CAMK2D: variants seen among roughly 807,000 people sequenced by gnomAD.
The protein encoded by CAMK2D is calcium/calmodulin dependent protein kinase II delta, also known as calcium/calmodulin-dependent protein kinase type II subunit delta.
In CAMK2D, 37 loss-of-function variants were observed where a neutral mutation model predicts 84.0. The observed-to-expected ratio is 0.44, with a 90% confidence interval of 0.34 to 0.58. The LOEUF (loss-of-function observed/expected upper bound fraction) is 0.58. Ranked by LOEUF, CAMK2D falls within the 20% of genes least tolerant of loss-of-function variation. The pLI is 0.02. For synonymous variants in CAMK2D, 202 were observed against 212.5 expected, an observed-to-expected ratio of 0.95 and a Z score of 0.43; for missense variants, 448 against 652.5, an observed-to-expected ratio of 0.69 and a Z score of 3.41.
intron 2 of CAMK2D, among the ~76,000 whole-genome samples, chr4:113,728,371 G>A (rs1002654549): frequency 1.1e-4 from 17 of 152,124 alleles, no homozygotes; most frequent in Non-Finnish European, 2.2e-4. Flanking sequence ...AATTATGATT[G>A]TTCTATTCCA....
chr4:113,567,152 T>TTTTTC (rs200221837), intron 4 of CAMK2D, among the ~76,000 whole-genome samples: 4,704 of 150,582 alleles, frequency 0.031, 286 homozygotes, highest in East Asian at 0.17. Context: ...TGAGATCTTT[T>TTTTTC]TTTTCTTTTC....
At chr4:113,471,725 A>C (rs1375478968) in intron 16 of CAMK2D, among the ~76,000 whole-genome samples, 1 of 151,778 alleles carries the variant, frequency 6.6e-6, no homozygotes, top group African/African-American at 2.4e-5. Context: ...CAGGTCTCCC[A>C]CACCGGCCTC....
chr4:113,496,654 G>A lies in CAMK2D; in HGVS notation c.1135+3809C>T, dbSNP rs557556331. On this transcript the variant is annotated intron_variant, in intron 16 of 20. Transcript: ENST00000511664. ...AGTGGAGACAGGGTTTCACCATGTC[G>A]GTCAGGCTAGTCTTGGACTCCTGAC... Among the ~76,000 whole-genome samples, 12 of 151,830 alleles carry A rather than the reference G, an allele frequency of 7.9e-5. No individual in the cohort carries two copies. In the East Asian group the frequency reaches 1.7e-3, roughly 22 times the overall value.
intron 17 of CAMK2D, among the ~76,000 whole-genome samples, chr4:113,463,596 G>A (rs1564413482): frequency 6.6e-6 from 1 of 152,116 alleles, no homozygotes; most frequent in Non-Finnish European, 1.5e-5. Context: ...GGCTGGTCTT[G>A]AACTTCCAAC....
chr4:113,607,974 C>T lies in CAMK2D; in HGVS notation c.275+1178G>A, dbSNP rs533358563. On this transcript the variant is annotated intron_variant, in intron 4 of 20. Coordinates refer to ENST00000511664, the MANE Select transcript of CAMK2D (RefSeq NM_001321571.2). ...GTAATTTCATTCCCTTAACAAATAC[C>T]TGGTTTAGTGTGGGCTTGAGAAGCA... Among the ~76,000 whole-genome samples, 3 of 152,274 alleles carry T rather than the reference C, an allele frequency of 2.0e-5. No homozygotes were observed. In the East Asian group the frequency reaches 5.8e-4, roughly 29 times the overall value.
chr4:113,536,127 G>A (rs557959047), intron 7 of CAMK2D, among the ~76,000 whole-genome samples: 29 of 152,264 alleles, frequency 1.9e-4, no homozygotes, highest in African/African-American at 5.5e-4. Context: ...ATGGGTACAA[G>A]CTTATTAAAA....
chr4:113,637,573 A>G (rs1252176041), intron 3 of CAMK2D, among the ~76,000 whole-genome samples: 1 of 152,138 alleles, frequency 6.6e-6, no homozygotes, highest in Non-Finnish European at 1.5e-5. Context: ...GCTAAATGCA[A>G]TCTTTTGTTT....
intron 2 of CAMK2D, among the ~76,000 whole-genome samples, chr4:113,722,998 A>G (rs1171279144): frequency 1.3e-5 from 2 of 152,110 alleles, no homozygotes; most frequent in Non-Finnish European, 2.9e-5. Context: ...TTCTCTAACG[A>G]CTTTGTAATT....
At chr4:113,601,464 T>C (rs2098951928) in intron 4 of CAMK2D, among the ~76,000 whole-genome samples, 1 of 151,972 alleles carries the variant, frequency 6.6e-6, no homozygotes, top group Non-Finnish European at 1.5e-5. Flanking sequence ...TTAGTATACG[T>C]ACTGGAAAAC....
chr4:113,704,197 T>C (rs921783040), intron 2 of CAMK2D, among the ~76,000 whole-genome samples: 1 of 152,130 alleles, frequency 6.6e-6, no homozygotes, highest in African/African-American at 2.4e-5. Context: ...TTATCATTTC[T>C]ATCAGTTCCC....
intron 4 of CAMK2D, among the ~76,000 whole-genome samples, chr4:113,578,797 T>TA (rs1484846183): frequency 2.0e-5 from 3 of 152,022 alleles, no homozygotes; most frequent in African/African-American, 4.8e-5. Flanking sequence ...AGGTTAAGAG[T>TA]AAAAAAATCC....
At chr4:113,760,459 T>C (rs545398881) in intron 1 of CAMK2D, among the ~76,000 whole-genome samples, 16 of 152,272 alleles carry the variant, frequency 1.1e-4, no homozygotes, top group African/African-American at 3.6e-4. Flanking sequence ...GCCCTTTTCC[T>C]GGACAGAACA....
chr4:113,522,457 C>T (rs1028199375), intron 8 of CAMK2D, among the ~76,000 whole-genome samples: 1 of 152,156 alleles, frequency 6.6e-6, no homozygotes, highest in African/African-American at 2.4e-5. Flanking sequence ...AACTAACACT[C>T]TGACCTAAAT....
At chr4:113,628,203 A>G (rs2099075582) in intron 3 of CAMK2D, among the ~76,000 whole-genome samples, 1 of 152,194 alleles carries the variant, frequency 6.6e-6, no homozygotes, top group South Asian at 2.1e-4. Flanking sequence ...TAAATATTTA[A>G]TATTGCATGA....
At chr4:113,699,476 A>G (rs1272663776) in intron 2 of CAMK2D, among the ~76,000 whole-genome samples, 1 of 152,172 alleles carries the variant, frequency 6.6e-6, no homozygotes, top group African/African-American at 2.4e-5. Context: ...TAGAAGCTCT[A>G]GAAGACAGAG....
chr4:113,457,006 C>A, intron 19 of CAMK2D: 1 of 242,200 alleles, frequency 4.1e-6, no homozygotes, highest in East Asian at 9.9e-5. Context: ...ATATCCCCTT[C>A]TTCTGTCAAT....
intron 4 of CAMK2D, among the ~76,000 whole-genome samples, chr4:113,565,606 A>T (rs1296715805): frequency 6.6e-6 from 1 of 151,138 alleles, no homozygotes; most frequent in South Asian, 2.1e-4. Context: ...AGCCGAGATC[A>T]TGCCACTGCA....
rs143019070 is a variant in CAMK2D at position 113,636,750 on chromosome 4, C to A, written c.220+24963G>T. Among the ~76,000 whole-genome samples, 76 of 152,262 alleles carry A rather than the reference C, an allele frequency of 5.0e-4. 2 individuals carry two copies. Among genetic ancestry groups the A allele is most frequent in the Non-Finnish European group, 9.3e-4 (63 of 68,012 alleles). Reference sequence around the variant, plus strand: ...ACTCACGCTATCAAGGAGGTCCCATCTTCATGATCTCCTCTAAATCTAATT... The same window carrying A: ...ACTCACGCTATCAAGGAGGTCCCATATTCATGATCTCCTCTAAATCTAATT... On this transcript the variant is annotated intron_variant, in intron 3 of 20. Coordinates refer to ENST00000511664, the MANE Select transcript of CAMK2D (RefSeq NM_001321571.2).
chr4:113,560,709 C>T (rs28589449), intron 4 of CAMK2D, among the ~76,000 whole-genome samples: 4,714 of 152,232 alleles, frequency 0.031, 244 homozygotes, highest in African/African-American at 0.11. Context: ...AACATTACAC[C>T]AATCAGTGCC....
Sources: allele counts gnomAD v4.1 joint callset (sites outside exome capture counted in the v4.1 genomes callset), GRCh38; gene constraint gnomAD v4.1.1; transcripts MANE v1.5; gene names NCBI Gene and HGNC (gene_info 2026-07-23, HGNC 2026-07-21).